The following RP1 variants were observed in gnomAD, a reference collection of about 807,000 sequenced individuals.
The protein encoded by RP1 is RP1 axonemal microtubule associated.
RP1 carries 16 observed loss-of-function variants against 14.8 expected under a neutral mutation model. The observed-to-expected ratio is 1.08, with a 90% CI of 0.73 to 1.65. The LOEUF is 1.65. RP1 is among the 40% of genes most tolerant of loss of function. The pLI, the probability that RP1 is intolerant of heterozygous loss-of-function variation, is 0.00. For synonymous variants in RP1, 876 were observed against 883.6 expected, an observed-to-expected ratio of 0.99 and a Z score of 0.15; for missense variants, 2,631 against 2,535.0, an observed-to-expected ratio of 1.04 and a Z score of -0.81.
chr8:54,655,843 CTT>C (rs1321998210), intron 5 of RP1, among the ~76,000 whole-genome samples: 1 of 148,902 alleles, frequency 6.7e-6, no homozygotes, highest in East Asian at 2.0e-4. Context: ...CATAGCAAGA[CTT>C]TGTCTCAAAT....
chr8:54,658,760 T>A (rs911344339), intron 6 of RP1, among the ~76,000 whole-genome samples: 1 of 152,124 alleles, frequency 6.6e-6, no homozygotes, highest in African/African-American at 2.4e-5. Context: ...AGAAATGGGG[T>A]TGCTGAATTA....
intron 22 of RP1, among the ~76,000 whole-genome samples, chr8:54,767,571 G>A (rs2083124): frequency 0.057 from 8,657 of 152,094 alleles, 756 homozygotes; most frequent in African/African-American, 0.19. Flanking sequence ...TGTTGGCCAG[G>A]CTGGTCTTGA....
intron 19 of RP1, among the ~76,000 whole-genome samples, chr8:54,740,713 C>T (rs1809059796): frequency 6.6e-6 from 1 of 151,350 alleles, no homozygotes; most frequent in South Asian, 2.1e-4. Flanking sequence ...CAAAGCGAGA[C>T]TCTGTCTTAA....
intron 24 of RP1, among the ~76,000 whole-genome samples, chr8:54,817,668 T>C (rs997411624): frequency 6.6e-6 from 1 of 152,220 alleles, no homozygotes; most frequent in Non-Finnish European, 1.5e-5. Flanking sequence ...TATGTTACAA[T>C]ATAGGTGAGG....
intron 12 of RP1, among the ~76,000 whole-genome samples, chr8:54,689,410 G>A (rs1216656198): frequency 1.3e-5 from 2 of 152,046 alleles, no homozygotes; most frequent in African/African-American, 2.4e-5. Flanking sequence ...GCCTCTCTGG[G>A]CCTGACAATT....
chr8:54,758,771 A>G, intron 21 of RP1: 3 of 706,620 alleles, frequency 4.2e-6, no homozygotes, highest in Non-Finnish European at 6.7e-6. Flanking sequence ...TTTTCTCACC[A>G]TATTGCCCCT....
At chr8:54,792,027 A>G (rs1047588847) in intron 24 of RP1, among the ~76,000 whole-genome samples, 19 of 152,160 alleles carry the variant, frequency 1.2e-4, no homozygotes, top group African/African-American at 4.3e-4. Context: ...TTTCCATGAA[A>G]TGATAATCAA....
intron 25 of RP1, among the ~76,000 whole-genome samples, chr8:54,841,210 G>GA (rs1477053898): frequency 6.6e-6 from 1 of 152,176 alleles, no homozygotes; most frequent in African/African-American, 2.4e-5. Context: ...TTGGCTTTGA[G>GA]AAGAGAAGGA....
rs755343717 is a variant in RP1 at position 54,679,846 on chromosome 8, C to T, written c.1630C>T (p.Gln544Ter). ...GAAGTTTACAAAAGGAAATACTCTT[C>T]AGTTCTATAACAAGCTGACTGGAGG... The change falls in exon 12 of 23, where the codon CAG becomes TAG. Residue 544 changes from glutamine (Q) to a stop codon, truncating the protein, a stop_gained. Transcript: ENST00000636932. LOFTEE classifies it high-confidence loss of function. The T allele has an allele frequency of 6.5e-7, 1 of 1,536,004 alleles. No individual in the cohort carries two copies. Among genetic ancestry groups the T allele is most frequent in the South Asian group, 1.2e-5 (1 of 84,058 alleles).
downstream of RP1, among the ~76,000 whole-genome samples, chr8:54,771,586 T>C (rs558247427): frequency 4.6e-5 from 7 of 152,206 alleles, no homozygotes; most frequent in East Asian, 1.2e-3. Flanking sequence ...GTTGTCTTAT[T>C]TTATGGCCTC....
At chr8:54,762,815 T>C (rs542555529) in intron 22 of RP1, among the ~76,000 whole-genome samples, 2 of 152,290 alleles carry the variant, frequency 1.3e-5, no homozygotes, top group African/African-American at 4.8e-5. Context: ...CCTTCCCACT[T>C]CTGCTGCATG....
chr8:54,575,379 A>T (rs935872244), intron 1 of RP1, among the ~76,000 whole-genome samples: 2 of 138,992 alleles, frequency 1.4e-5, no homozygotes, highest in Admixed American at 7.3e-5. Context: ...TTCTTTAAGA[A>T]AAATTATTTT....
Position 54,629,424 on chromosome 8 carries a change from G to A in RP1, c.5542G>A (p.Ala1848Thr), listed in dbSNP as rs779241117. The A allele has an allele frequency of 1.5e-5, 25 of 1,613,996 alleles. No individual in the cohort carries two copies. The highest frequency in any genetic ancestry group is 1.6e-4 in the Middle Eastern group (1 of 6,084). ...RNETCAKERI[A>T]NHHTEEKGSH... ...TGAAACCTGTGCCAAGGAAAGAATAGCAAATCATCATACAGAGGAGAAGGG... is the reference window on the plus strand; with the variant it reads ...TGAAACCTGTGCCAAGGAAAGAATAACAAATCATCATACAGAGGAGAAGGG... Residue 1848 changes from alanine (A) to threonine (T), a missense_variant, in exon 4 of 4, where the codon GCA becomes ACA. Physicochemically the swap from Ala to Thr is moderately conservative, Grantham distance 58 (BLOSUM62 0). Coordinates refer to ENST00000220676, the MANE Select transcript of RP1 (RefSeq NM_006269.2).
intron 1 of RP1, among the ~76,000 whole-genome samples, chr8:54,569,706 G>T (rs1392285896): frequency 6.6e-6 from 1 of 152,224 alleles, no homozygotes; most frequent in Non-Finnish European, 1.5e-5. Flanking sequence ...GTGGTTGTCA[G>T]GCACTGTATT....
chr8:54,687,073 G>T (rs1480332543), intron 12 of RP1, among the ~76,000 whole-genome samples: 4 of 152,072 alleles, frequency 2.6e-5, no homozygotes, highest in Non-Finnish European at 4.4e-5. Flanking sequence ...ACATGGAAAA[G>T]ATAATTGCAT....
intron 26 of RP1, chr8:54,852,773 T>G: frequency 8.2e-7 from 1 of 1,216,012 alleles, no homozygotes; most frequent in African/African-American, 1.6e-5. Context: ...CTATCGTTCC[T>G]TTAATTTATT....
At chr8:54,868,431 A>T (rs1436888291) in intron 28 of RP1, among the ~76,000 whole-genome samples, 1 of 152,144 alleles carries the variant, frequency 6.6e-6, no homozygotes, top group Non-Finnish European at 1.5e-5. Flanking sequence ...AGTATTAAAA[A>T]ATTATCTTGC....
chr8:54,625,410 T>A lies in RP1; in HGVS notation c.1528T>A (p.Ser510Thr). 1 of 1,613,982 alleles carries A rather than the reference T, an allele frequency of 6.2e-7. No homozygotes were observed. Among genetic ancestry groups the A allele is most frequent in the Non-Finnish European group, 8.5e-7 (1 of 1,180,024 alleles). The change falls in exon 4 of 4, where the codon TCA becomes ACA. Residue 510 changes from serine to threonine, a missense_variant. Ser to Thr is a moderately conservative substitution (Grantham distance 58). Transcript: ENST00000220676. ...TACACATTCTTGCAGTAAAATGTCA[T>A]CAGTATCTAACAAACCAGTACTTGT... ...MFTHSCSKMS[S>T]VSNKPVLVQI...
chr8:54,693,094 T>A (rs1179905825), intron 12 of RP1, among the ~76,000 whole-genome samples: 1 of 152,204 alleles, frequency 6.6e-6, no homozygotes, highest in Non-Finnish European at 1.5e-5. Context: ...CCATTGCTTG[T>A]TTTTGTCAGG....
Sources: gnomAD v4.1 joint callset for allele counts (sites outside exome capture counted in the v4.1 genomes callset) on GRCh38, gnomAD v4.1.1 for gene constraint, MANE v1.5 for transcripts, NCBI Gene and HGNC (gene_info 2026-07-23, HGNC 2026-07-21) for gene names.